The following CLTB variants were observed in gnomAD, a reference collection of about 807,000 sequenced individuals.
CLTB encodes the protein clathrin light chain B.
A neutral mutation model predicts 30.5 loss-of-function variants in CLTB; 10 were observed. The observed-to-expected ratio is 0.33, with a 90% CI of 0.20 to 0.56. The LOEUF (loss-of-function observed/expected upper bound fraction) is 0.56. Ranked by LOEUF, CLTB falls within the 20% of genes least tolerant of loss-of-function variation. CLTB has a pLI of 0.91. For missense variants in CLTB, 261 were observed against 308.3 expected (o/e 0.85, Z 1.15); for synonymous variants, 102 against 120.3 (o/e 0.85, Z 1.00).
At chr5:176,413,326 C>G (rs574351788) in intron 1 of CLTB, among the ~76,000 whole-genome samples, 1 of 152,220 alleles carries the variant, frequency 6.6e-6, no homozygotes, top group Non-Finnish European at 1.5e-5. Flanking sequence ...CGAGGCCCAG[C>G]GGGGGAAATG....
In CLTB at chr5:176,392,869, A is replaced by T; in HGVS notation, c.595T>A (p.Cys199Ser). The T allele has an allele frequency of 6.2e-7, 1 of 1,614,194 alleles. No homozygotes were observed. Among genetic ancestry groups the T allele is most frequent in the Non-Finnish European group, 8.5e-7 (1 of 1,180,022 alleles). The change falls in exon 6 of 6, where the codon TGT (cysteine) becomes AGT (serine). Residue 199 changes from cysteine (C) to serine (S), a missense_variant. Coordinates refer to ENST00000310418, the MANE Select transcript of CLTB (RefSeq NM_007097.5). The surrounding 1 kb of genome is among the most constrained non-coding windows in gnomAD (Gnocchi z 5.2). Reference protein sequence around the residue: ...GTEWEKVAQLCDFNPKSSKQC... With the variant: ...GTEWEKVAQLSDFNPKSSKQC... ...TTGCTGCTCTTGGGGTTGAAGTCAC[A>T]TAGCTGGGCCACCTTCTCCCACTCT... is the stretch of plus-strand genomic sequence containing the variant.
At chr5:176,398,978 G>T (rs1344913996) in intron 2 of CLTB, among the ~76,000 whole-genome samples, 1 of 151,832 alleles carries the variant, frequency 6.6e-6, no homozygotes, top group Non-Finnish European at 1.5e-5. Context: ...GAGTAGCTGG[G>T]ATTACAGGCA....
At chr5:176,394,529 T>C (rs1299685592) in intron 5 of CLTB, among the ~76,000 whole-genome samples, 4 of 151,604 alleles carry the variant, frequency 2.6e-5, no homozygotes, top group African/African-American at 7.3e-5. Context: ...AAAAATTAGC[T>C]GGGTGTGGCC....
intron 2 of CLTB, among the ~76,000 whole-genome samples, chr5:176,409,270 A>G (rs1269836601): frequency 7.1e-6 from 1 of 141,824 alleles, no homozygotes; most frequent in Non-Finnish European, 1.5e-5. Context: ...CACCACGCCC[A>G]GCCCAAACAT....
chr5:176,413,818 C>G lies in CLTB; in HGVS notation c.187+2359G>C, dbSNP rs549269462. On this transcript the variant is annotated intron_variant, in intron 1 of 5. Coordinates refer to ENST00000310418, the MANE Select transcript of CLTB (RefSeq NM_007097.5). ...CGCCATCCCTCAACACCTCCCTGCT[C>G]CCCGATCCAACTAAGGAGGGCAGCT... is the stretch of plus-strand genomic sequence containing the variant. 1.9e-3 allele frequency among the ~76,000 whole-genome samples: 283 copies of G among 152,332 alleles called. 1 individual carries two copies. Among genetic ancestry groups the G allele is most frequent in the African/African-American group, 6.6e-3 (276 of 41,576 alleles).
rs553849798 is a variant in CLTB, at chr5:176,397,855, T to C, written c.352+75A>G. ...CCACATTAAGGCATGCAGCATCCCA[T>C]GCACTCCGAGGACTCCCCACACTCC... On this transcript the variant is annotated intron_variant, in intron 3 of 5. Transcript: ENST00000310418. 2.7e-6 allele frequency: 4 copies of C among 1,478,114 alleles called. No homozygotes were observed. In the African/African-American group the frequency reaches 4.1e-5, roughly 15 times the overall value. The allele number at this position is 1,478,114 out of a possible 1,614,324, so 91.6% of individuals were successfully genotyped here.
At position 176,398,101 on chromosome 5, in the gene CLTB, T is replaced by TCTGCTGCCC. The variant is rs1756639794; in HGVS notation, c.235-63_235-55dup. ...CAGCCAGCACACCTGCCCCGCTGTC[T>TCTGCTGCCC]CTGCTGCCCCTGCTGGGGACCCACT... On this transcript the variant is annotated intron_variant, in intron 2 of 5. Transcript: ENST00000310418. 10 of 1,528,292 alleles carry TCTGCTGCCC rather than the reference T, an allele frequency of 6.5e-6. No homozygotes were observed. The South Asian group carries it at 7.8e-5, about 12-fold the overall frequency. 94.7% of individuals were successfully genotyped at this position (1,528,292 alleles called of 1,614,324 possible). A position where few individuals can be genotyped will look rare whatever the true frequency, so the allele number is the denominator to read the frequency against.
At chr5:176,398,335 T>C (rs968220437) in intron 2 of CLTB, among the ~76,000 whole-genome samples, 3 of 152,218 alleles carry the variant, frequency 2.0e-5, no homozygotes, top group Admixed American at 1.3e-4. Context: ...AGAAAGCGTG[T>C]GCCAGCCACT....
At chr5:176,394,251 C>A (rs917306515) in intron 5 of CLTB, among the ~76,000 whole-genome samples, 3 of 152,216 alleles carry the variant, frequency 2.0e-5, no homozygotes, top group African/African-American at 4.8e-5. Flanking sequence ...CAGCTCAAAG[C>A]GTCCATGGTC....
chr5:176,410,033 G>A (rs997812638), intron 2 of CLTB, among the ~76,000 whole-genome samples: 3 of 152,178 alleles, frequency 2.0e-5, no homozygotes, highest in Non-Finnish European at 4.4e-5. Flanking sequence ...TGGGCAACCT[G>A]AGGCTACTGC....
intron 2 of CLTB, among the ~76,000 whole-genome samples, chr5:176,402,495 C>T (rs958313853): frequency 9.2e-5 from 14 of 152,220 alleles, no homozygotes; most frequent in South Asian, 4.2e-4. Context: ...CCCCTAGAAT[C>T]GAGGGTCTAC....
chr5:176,406,748 C>T (rs1238999705), intron 2 of CLTB: 7 of 1,262,308 alleles, frequency 5.5e-6, no homozygotes, highest in Non-Finnish European at 7.2e-6. Flanking sequence ...AAAGCTCTGT[C>T]TGGGATCCTT....
At chr5:176,397,506 TTCATGTCCCCATGG>T in intron 4 of CLTB, 87 bp downstream of exon 4, 2 of 39,834 alleles carry the variant, frequency 5.0e-5, no homozygotes, top group African/African-American at 5.0e-4. Flanking sequence ...TCCCCACCCC[TTCATGTCCCCATGG>T]CCCCCTCATG....
chr5:176,398,176 T>G (rs1303195291), intron 2 of CLTB, 129 bp from the exon 3 acceptor site: 1 of 749,242 alleles, frequency 1.3e-6, no homozygotes, highest in Non-Finnish European at 2.3e-6. Flanking sequence ...CTGTCTCTGG[T>G]GACTACACCT....
At position 176,393,809 on chromosome 5, in the gene CLTB, A is replaced by G. The variant is rs1232141995; in HGVS notation, c.519-864T>C. On this transcript the variant is annotated intron_variant, in intron 5 of 5. Coordinates refer to ENST00000310418, the MANE Select transcript of CLTB (RefSeq NM_007097.5). The surrounding 1 kb of genome is among the most constrained non-coding windows in gnomAD (Gnocchi z 4.4). ...ACAAGTAAATACAGTCTAGTGGACA[A>G]AATCTACACGTGGGACTCACTAACA... Among the ~76,000 whole-genome samples the G allele has an allele frequency of 6.6e-6, 1 of 152,228 alleles. No homozygotes were observed. The highest frequency in any genetic ancestry group is 2.4e-5 in the African/African-American group (1 of 41,456).
At chr5:176,406,646 A>AG in intron 2 of CLTB, 1 of 1,289,412 alleles carries the variant, frequency 7.8e-7, no homozygotes, top group Non-Finnish European at 1.0e-6. Flanking sequence ...AGTTGTGGGC[A>AG]GGCTCGTCCT....
intron 2 of CLTB, among the ~76,000 whole-genome samples, chr5:176,399,633 C>T (rs1756714383): frequency 6.6e-6 from 1 of 152,128 alleles, no homozygotes; most frequent in Admixed American, 6.5e-5. Flanking sequence ...GTGGCTCACG[C>T]CTGTAATTCC....
intron 1 of CLTB, among the ~76,000 whole-genome samples, chr5:176,414,608 A>T (rs1450975696): frequency 6.6e-6 from 1 of 151,976 alleles, no homozygotes; most frequent in Non-Finnish European, 1.5e-5. Flanking sequence ...ATGCCTGGCT[A>T]ATTTTTGTAT....
chr5:176,399,877 C>CA (rs750656977), intron 2 of CLTB, among the ~76,000 whole-genome samples: 15,374 of 108,664 alleles, frequency 0.14, 1,047 homozygotes, highest in Middle Eastern at 0.29. Context: ...GACTTGGTCT[C>CA]AAAAAAAAAA....
Sources: allele counts gnomAD v4.1 joint callset (sites outside exome capture counted in the v4.1 genomes callset), GRCh38; gene constraint gnomAD v4.1.1; non-coding constraint Gnocchi (gnomAD v3.1); transcripts MANE v1.5; gene names NCBI Gene and HGNC (gene_info 2026-07-23, HGNC 2026-07-21).